Variants in KIAA1549L observed in about 807,000 individuals in gnomAD.
The protein encoded by KIAA1549L is UPF0606 protein KIAA1549L.
A neutral mutation model predicts 160.7 loss-of-function variants in KIAA1549L; 88 were observed. The observed-to-expected ratio is 0.55, with a 90% CI of 0.46 to 0.65. The LOEUF is 0.65. KIAA1549L is among the 30% of genes least tolerant of loss of function. KIAA1549L has a pLI of 0.00. For missense variants in KIAA1549L, 2,258 were observed against 2,437.5 expected (o/e 0.93, Z 1.55); for synonymous variants, 950 against 976.7 (o/e 0.97, Z 0.51).
intron 1 of KIAA1549L, among the ~76,000 whole-genome samples, chr11:33,474,967 G>A (rs867648316): frequency 8.5e-5 from 13 of 152,328 alleles, no homozygotes; most frequent in African/African-American, 3.1e-4. Context: ...ATATCCAAGG[G>A]AATTGAAAGC....
At chr11:33,446,162 T>G (rs1163375945) in intron 1 of KIAA1549L, among the ~76,000 whole-genome samples, 1 of 151,006 alleles carries the variant, frequency 6.6e-6, no homozygotes, top group South Asian at 2.1e-4. Context: ...TGGTGCCGTC[T>G]CAGCTCACTG....
chr11:33,611,661 GA>G (rs1463314001), intron 15 of KIAA1549L, among the ~76,000 whole-genome samples: 1 of 152,122 alleles, frequency 6.6e-6, no homozygotes, highest in Non-Finnish European at 1.5e-5. Flanking sequence ...GTACTTCAGG[GA>G]GTTTTACTTC....
At position 33,473,091 on chromosome 11, in the gene KIAA1549L, G is replaced by A. The variant is rs1852213805; in HGVS notation, c.239-68711G>A. On this transcript the variant is annotated intron_variant, in intron 1 of 20. Coordinates refer to ENST00000658780, the MANE Select transcript of KIAA1549L (RefSeq NM_012194.3). ...AGAACAAATAAATCAAATTGTGTCT[G>A]TACTTCAGACTTGGATGGCTGTGGC... Among the ~76,000 whole-genome samples, 3 of 152,236 alleles carry A rather than the reference G, an allele frequency of 2.0e-5. No individual in the cohort carries two copies. The South Asian group carries it at 6.2e-4, about 32-fold the overall frequency.
chr11:33,390,758 C>A (rs955202695), intron 1 of KIAA1549L, among the ~76,000 whole-genome samples: 1 of 152,196 alleles, frequency 6.6e-6, no homozygotes, highest in African/African-American at 2.4e-5. Context: ...TAAGCTTGTT[C>A]TATGGAAGAT....
chr11:33,666,666 AG>A (rs776080944), intron 20 of KIAA1549L, among the ~76,000 whole-genome samples: 4 of 152,172 alleles, frequency 2.6e-5, no homozygotes, highest in Admixed American at 6.5e-5. Context: ...TATTCCTAGA[AG>A]TTTACATATT....
chr11:33,595,105 G>A (rs1850163272), intron 12 of KIAA1549L, among the ~76,000 whole-genome samples: 2 of 152,106 alleles, frequency 1.3e-5, no homozygotes, highest in African/African-American at 4.8e-5. Flanking sequence ...TCTTGGATTA[G>A]CAAGGAATCT....
intron 1 of KIAA1549L, among the ~76,000 whole-genome samples, chr11:33,478,817 A>C (rs1000987176): frequency 6.6e-6 from 1 of 152,066 alleles, no homozygotes. Flanking sequence ...GCTCACTGCA[A>C]CCTCTGCCTT....
chr11:33,623,683 C>A (rs1384240142), intron 16 of KIAA1549L, among the ~76,000 whole-genome samples: 1 of 152,072 alleles, frequency 6.6e-6, no homozygotes, highest in East Asian at 1.9e-4. Context: ...GTGATGGAGG[C>A]CACTTGGCGA....
In KIAA1549L at chr11:33,651,848, C is replaced by T. The variant is rs1245734802; in HGVS notation, c.5761-4164C>T. 8.8e-5 allele frequency among the ~76,000 whole-genome samples: 7 copies of T among 79,888 alleles called. No homozygotes were observed. In the East Asian group the frequency reaches 2.5e-3, roughly 29 times the overall value. 52.4% of individuals were successfully genotyped at this position (79,888 alleles called of 152,430 possible). A position where few individuals can be genotyped will look rare whatever the true frequency, so the allele number is the denominator to read the frequency against. The stretch of plus-strand genomic sequence containing the variant: ...TCAAACAGACTGTGGTCCCCTCCCC[C>T]TCCCATTCCCCTCCCCTCCCCTCCC... On this transcript the variant is annotated intron_variant, in intron 17 of 20. Coordinates refer to ENST00000658780, the MANE Select transcript of KIAA1549L (RefSeq NM_012194.3).
At chr11:33,509,630 A>G (rs1853179111) in intron 1 of KIAA1549L, among the ~76,000 whole-genome samples, 2 of 152,186 alleles carry the variant, frequency 1.3e-5, no homozygotes, top group African/African-American at 4.8e-5. Context: ...TCTCAATTCC[A>G]TCTGAGGCAG....
intron 15 of KIAA1549L, among the ~76,000 whole-genome samples, chr11:33,611,934 CT>C (rs1375837274): frequency 6.6e-6 from 1 of 152,200 alleles, no homozygotes; most frequent in Non-Finnish European, 1.5e-5. Flanking sequence ...GAGGCATCAC[CT>C]CTGCCTAGCA....
At chr11:33,444,824 G>A (rs556279090) in intron 1 of KIAA1549L, among the ~76,000 whole-genome samples, 7 of 152,208 alleles carry the variant, frequency 4.6e-5, no homozygotes, top group African/African-American at 7.2e-5. Context: ...GTGGCCCCCG[G>A]TTCAGGTGTT....
intron 1 of KIAA1549L, among the ~76,000 whole-genome samples, chr11:33,447,552 A>G (rs1851638552): frequency 7.6e-6 from 1 of 130,968 alleles, no homozygotes; most frequent in East Asian, 2.5e-4. Flanking sequence ...CCATGCGTGC[A>G]TGCATGCATC....
chr11:33,461,011 G>T (rs1002304072), intron 1 of KIAA1549L, among the ~76,000 whole-genome samples: 2 of 152,010 alleles, frequency 1.3e-5, no homozygotes, highest in Admixed American at 6.6e-5. Flanking sequence ...TAATTATTCT[G>T]CAGTAAAATT....
chr11:33,530,492 T>C (rs1331773885), intron 1 of KIAA1549L, among the ~76,000 whole-genome samples: 1 of 131,596 alleles, frequency 7.6e-6, no homozygotes, highest in African/African-American at 2.8e-5. Context: ...TATGCAAGAT[T>C]TGCAAGTACC....
At chr11:33,583,261 G>GT (rs1855700495) in intron 10 of KIAA1549L, 77 bp from the exon 11 acceptor site, 1 of 1,379,708 alleles carries the variant, frequency 7.2e-7, no homozygotes, top group Non-Finnish European at 9.9e-7. Context: ...TGGGACTGGG[G>GT]TGGGGGGTTA....
At chr11:33,493,179 G>A (rs1377522054) in intron 1 of KIAA1549L, among the ~76,000 whole-genome samples, 1 of 152,038 alleles carries the variant, frequency 6.6e-6, no homozygotes, top group Non-Finnish European at 1.5e-5. Flanking sequence ...CTCCCAAAAA[G>A]CATGCATTGG....
chr11:33,543,820 G>A lies in KIAA1549L; in HGVS notation c.2257G>A (p.Ala753Thr), dbSNP rs1854126718. 5 of 1,613,910 alleles carry A rather than the reference G, an allele frequency of 3.1e-6. No homozygotes were observed. The highest frequency in any genetic ancestry group is 4.2e-6 in the Non-Finnish European group (5 of 1,179,896). ...CAATGGTTTAACTTCAGCTGCCGAT[G>A]CCATAAAATCTCAGGATTTCAAAGA... The part of the protein sequence containing the change: ...PPNGLTSAAD[A>T]IKSQDFKDTA... Residue 753 changes from alanine (A) to threonine (T), a missense_variant, in exon 2 of 21, where the codon GCC becomes ACC. By Grantham distance (58) the Ala-to-Thr change is moderately conservative. Around this residue, in one of 6 missense-constraint regions of KIAA1549L, gnomAD observed 287 missense variants for 292.3 expected, o/e 0.98. Coordinates refer to ENST00000658780, the MANE Select transcript of KIAA1549L (RefSeq NM_012194.3).
chr11:33,663,447 T>C (rs1002229482), intron 20 of KIAA1549L, among the ~76,000 whole-genome samples: 14 of 152,192 alleles, frequency 9.2e-5, no homozygotes, highest in African/African-American at 2.9e-4. Flanking sequence ...GAAGAGTTTC[T>C]CATGTCATCT....
Sources: allele counts gnomAD v4.1 joint callset (sites outside exome capture counted in the v4.1 genomes callset), GRCh38; gene constraint gnomAD v4.1.1; regional missense constraint gnomAD v4.1.1; transcripts MANE v1.5; gene names NCBI Gene and HGNC (gene_info 2026-07-23, HGNC 2026-07-21).